Variants in MLIP observed in about 807,000 individuals in gnomAD.
The protein encoded by MLIP is muscular LMNA interacting protein.
Under a neutral mutation model 84.8 loss-of-function variants are expected in MLIP, and 79 were observed. The observed-to-expected ratio is 0.93, with a 90% CI of 0.78 to 1.12. The LOEUF is 1.12. Ranked by LOEUF, MLIP falls within the 50% of genes most tolerant of loss-of-function variation. MLIP has a pLI of 0.00. For missense variants in MLIP, 1,257 were observed against 1,160.6 expected (o/e 1.08, Z -1.21); for synonymous variants, 504 against 463.0 (o/e 1.09, Z -1.14).
chr6:54,113,352 G>A (rs904969401), intron 1 of MLIP, among the ~76,000 whole-genome samples: 1 of 152,062 alleles, frequency 6.6e-6, no homozygotes, highest in Non-Finnish European at 1.5e-5. Context: ...TTTCTATCAT[G>A]ATATTGATGA....
chr6:54,249,710 AACAC>A lies in MLIP; in HGVS notation c.2923-7576_2923-7573del, dbSNP rs147266668. Among the ~76,000 whole-genome samples, 277 of 147,098 alleles carry A rather than the reference AACAC, an allele frequency of 1.9e-3. 3 individuals are homozygous for A. The highest frequency in any genetic ancestry group is 5.3e-3 in the African/African-American group (208 of 39,304). ...GGGAAATGTCTTTGGGGAAATGAGGAACACACACACACACACACACACACATATA... is the reference window on the plus strand; with the variant it reads ...GGGAAATGTCTTTGGGGAAATGAGGAACACACACACACACACACACATATA... On this transcript the variant is annotated intron_variant, in intron 12 of 13. Transcript: ENST00000502396.
At chr6:54,181,691 G>A (rs1235767679) in intron 9 of MLIP, among the ~76,000 whole-genome samples, 3 of 152,272 alleles carry the variant, frequency 2.0e-5, no homozygotes, top group East Asian at 3.9e-4. Context: ...TATCATTGCT[G>A]GTTATTCACT....
chr6:54,122,350 G>T (rs868770751), intron 2 of MLIP, among the ~76,000 whole-genome samples: 10 of 152,164 alleles, frequency 6.6e-5, no homozygotes, highest in South Asian at 4.1e-4. Context: ...TATCTTGATT[G>T]TACCTATCTA....
chr6:54,112,997 A>T (rs1769597657), intron 1 of MLIP, among the ~76,000 whole-genome samples: 1 of 152,218 alleles, frequency 6.6e-6, no homozygotes, highest in Non-Finnish European at 1.5e-5. Flanking sequence ...ATTGAATTAT[A>T]CAAATTGTGC....
Position 54,169,514 on chromosome 6 carries a change from T to A in MLIP, c.2500-14T>A. The A allele has an allele frequency of 6.4e-7, 1 of 1,564,412 alleles. No homozygotes were observed. The highest frequency in any genetic ancestry group is 8.6e-7 in the Non-Finnish European group (1 of 1,156,880). Reference sequence around the variant, plus strand: ...TATTATTTCAGATGTATAATTGTTTTTATTTTCATACAGACTCCTACAACT... The same window carrying A: ...TATTATTTCAGATGTATAATTGTTTATATTTTCATACAGACTCCTACAACT... On this transcript the variant is annotated splice_polypyrimidine_tract_variant and intron_variant, in intron 8 of 13. Coordinates refer to ENST00000502396, the MANE Select transcript of MLIP (RefSeq NM_001281747.2).
At chr6:54,218,681 G>GT (rs1198361264) in intron 11 of MLIP, among the ~76,000 whole-genome samples, 2 of 151,858 alleles carry the variant, frequency 1.3e-5, no homozygotes, top group Non-Finnish European at 2.9e-5. Flanking sequence ...ATCATACATA[G>GT]TTTTTTGTAT....
intron 11 of MLIP, among the ~76,000 whole-genome samples, chr6:54,219,369 A>AT (rs1780072959): frequency 8.7e-6 from 1 of 114,890 alleles, no homozygotes; most frequent in African/African-American, 3.1e-5. Flanking sequence ...TACATTTTAA[A>AT]CTTTTTTTTT....
chr6:54,162,411 G>A (rs1774739136), intron 8 of MLIP, among the ~76,000 whole-genome samples: 1 of 152,062 alleles, frequency 6.6e-6, no homozygotes, highest in South Asian at 2.1e-4. Context: ...ACTGGGTTAA[G>A]CACTGTGATT....
chr6:54,071,357 C>T (rs1241403012), intron 1 of MLIP, among the ~76,000 whole-genome samples: 2 of 151,962 alleles, frequency 1.3e-5, no homozygotes, highest in Non-Finnish European at 2.9e-5. Context: ...TCTTCATAGG[C>T]TATATTCATA....
In MLIP at chr6:54,137,403, C is replaced by G. The variant is rs1188103439; in HGVS notation, c.1334C>G (p.Ala445Gly). ...SCPTFSLNSP[A>G]SSTLTLDQKE... ...CCCACCTTCTCTCTCAACTCCCCGG[C>G]CTCTTCCACGCTCACACTTGACCAA... is the stretch of plus-strand genomic sequence containing the variant. Residue 445 changes from alanine to glycine, a missense_variant, in exon 4 of 14, where the codon GCC (alanine) becomes GGC (glycine). By Grantham distance (60) the Ala-to-Gly change is moderately conservative. Transcript: ENST00000502396. 4.6e-6 allele frequency: 7 copies of G among 1,536,018 alleles called. No individual in the cohort carries two copies. Among genetic ancestry groups the G allele is most frequent in the Non-Finnish European group, 6.1e-6 (7 of 1,146,886 alleles).
At chr6:54,127,372 A>G (rs998479607) in intron 3 of MLIP, among the ~76,000 whole-genome samples, 6 of 152,110 alleles carry the variant, frequency 3.9e-5, no homozygotes, top group African/African-American at 1.2e-4. Context: ...AGTGCCTTAC[A>G]TATAAAGGGG....
chr6:54,230,918 G>T lies in MLIP; in HGVS notation c.2922+1G>T. ...CCTCAGTCACAACGCATGCAACAAGGTGAGAACTCCTCCCCAAAATGAGGA... is the reference window on the plus strand; with the variant it reads ...CCTCAGTCACAACGCATGCAACAAGTTGAGAACTCCTCCCCAAAATGAGGA... On this transcript the variant is annotated splice_donor_variant, in intron 12 of 13. Transcript: ENST00000502396. LOFTEE classifies it high-confidence loss of function. 1 of 1,613,702 alleles carries T rather than the reference G, an allele frequency of 6.2e-7. No individual in the cohort carries two copies. The highest frequency in any genetic ancestry group is 1.3e-5 in the African/African-American group (1 of 74,954).
intron 5 of MLIP, among the ~76,000 whole-genome samples, chr6:54,150,573 G>A (rs1030220087): frequency 6.6e-6 from 1 of 152,208 alleles, no homozygotes; most frequent in Non-Finnish European, 1.5e-5. Flanking sequence ...AGGCAAAGAG[G>A]AGATGAGGAG....
chr6:54,162,506 G>A (rs1029382607), intron 8 of MLIP, among the ~76,000 whole-genome samples: 13 of 152,024 alleles, frequency 8.6e-5, no homozygotes, highest in East Asian at 3.9e-4. Context: ...ATATGAAACC[G>A]TAGAAGATGA....
chr6:54,211,275 A>G (rs1779432183), intron 11 of MLIP, among the ~76,000 whole-genome samples: 1 of 152,170 alleles, frequency 6.6e-6, no homozygotes, highest in Non-Finnish European at 1.5e-5. Context: ...GGTTTAGCAT[A>G]TTTTATCTGC....
At chr6:54,060,012 T>C (rs1037146827) in intron 1 of MLIP, among the ~76,000 whole-genome samples, 2 of 152,238 alleles carry the variant, frequency 1.3e-5, no homozygotes, top group Admixed American at 1.3e-4. Flanking sequence ...AAAAGTAGAC[T>C]TTTGATTAAC....
intron 1 of MLIP, among the ~76,000 whole-genome samples, chr6:54,112,232 T>C (rs1769526511): frequency 1.3e-5 from 2 of 152,220 alleles, no homozygotes; most frequent in Admixed American, 6.5e-5. Context: ...AATTCATTCT[T>C]AGGCTACATT....
At chr6:54,138,813 C>A (rs577948946) in intron 4 of MLIP, among the ~76,000 whole-genome samples, 1 of 152,266 alleles carries the variant, frequency 6.6e-6, no homozygotes, top group South Asian at 2.1e-4. Context: ...GCTGGCTTCC[C>A]AACTATTCTC....
chr6:54,171,001 G>C (rs1253553159), intron 9 of MLIP, among the ~76,000 whole-genome samples: 3 of 151,280 alleles, frequency 2.0e-5, no homozygotes, highest in African/African-American at 7.3e-5. Context: ...TGCAATTTTT[G>C]CTCTCTCTCC....
Sources: allele counts gnomAD v4.1 joint callset (sites outside exome capture counted in the v4.1 genomes callset), GRCh38; gene constraint gnomAD v4.1.1; transcripts MANE v1.5; gene names NCBI Gene and HGNC (gene_info 2026-07-23, HGNC 2026-07-21).